TXNRD2: variants seen among roughly 807,000 people sequenced by gnomAD.
TXNRD2 encodes thioredoxin reductase 2, mitochondrial.
In TXNRD2, 67 loss-of-function variants were observed where a neutral mutation model predicts 70.8. The observed-to-expected ratio is 0.95, with a 90% CI of 0.78 to 1.16. The LOEUF (loss-of-function observed/expected upper bound fraction) is 1.16, where lower values mean the gene tolerates loss of function less well. Among genes scored for constraint, TXNRD2 ranks in the 50% most tolerant of loss-of-function variants. TXNRD2 has a pLI of 0.00. For synonymous variants in TXNRD2, 301 were observed against 295.8 expected, an observed-to-expected ratio of 1.02 and a Z score of -0.18; for missense variants, 644 against 719.9, an observed-to-expected ratio of 0.89 and a Z score of 1.21.
At chr22:19,919,219 G>C (rs889531075) in intron 3 of TXNRD2, among the ~76,000 whole-genome samples, 3 of 170 alleles carry the variant, frequency 0.018, no homozygotes, top group African/African-American at 0.079. Flanking sequence ...ATTTGAGATG[G>C]AGTTTTGCTC....
At chr22:19,940,686 C>T (rs1601498110) in intron 1 of TXNRD2, among the ~76,000 whole-genome samples, 1 of 152,126 alleles carries the variant, frequency 6.6e-6, no homozygotes, top group African/African-American at 2.4e-5. Context: ...TATGGGACTC[C>T]GCCAGCACGG....
chr22:19,882,041 C>T (rs1938802243), intron 12 of TXNRD2, among the ~76,000 whole-genome samples: 1 of 152,004 alleles, frequency 6.6e-6, no homozygotes, highest in Non-Finnish European at 1.5e-5. Context: ...GACCCTAAGT[C>T]CAATTGCAGA....
intron 8 of TXNRD2, among the ~76,000 whole-genome samples, chr22:19,905,294 C>G (rs1939958785): frequency 6.6e-6 from 1 of 152,166 alleles, no homozygotes; most frequent in East Asian, 1.9e-4. Context: ...AATAACATAC[C>G]TAGATTCCTT....
At chr22:19,912,514 G>A (rs1351629744) in intron 7 of TXNRD2, among the ~76,000 whole-genome samples, 2 of 152,242 alleles carry the variant, frequency 1.3e-5, no homozygotes, top group Admixed American at 1.3e-4. Context: ...GCTCCCTGGT[G>A]CGGATGCACG....
chr22:19,910,711 A>G (rs1940367334), intron 8 of TXNRD2, among the ~76,000 whole-genome samples: 1 of 152,032 alleles, frequency 6.6e-6, no homozygotes. Flanking sequence ...GGCTCAAGCA[A>G]TCCTCCCACC....
chr22:19,918,992 C>A lies in TXNRD2; in HGVS notation c.242G>T (p.Gly81Val). Residue 81 changes from glycine (G) to valine (V), a missense_variant, in exon 4 of 18, where the codon GGC becomes GTC. Physicochemically the swap from Gly to Val is moderately radical, Grantham distance 109. Coordinates refer to ENST00000400521, the MANE Select transcript of TXNRD2 (RefSeq NM_006440.5). ...VEPSPQGTRW[G>V]LGGTCVNVGC... ...CACGTTGACGCAGGTGCCGCCGAGG[C>A]CCCACCGGGTGCCTGGGACGTGGGA... is the stretch of plus-strand genomic sequence containing the variant. 1 of 1,609,856 alleles carries A rather than the reference C, an allele frequency of 6.2e-7. No individual in the cohort carries two copies.
At chr22:19,934,813 C>T (rs572463507) in intron 1 of TXNRD2, among the ~76,000 whole-genome samples, 18 of 152,212 alleles carry the variant, frequency 1.2e-4, no homozygotes, top group South Asian at 8.3e-4. Flanking sequence ...ATGGCTGCCT[C>T]GGCCTCTCAA....
chr22:19,939,170 A>G (rs1052113067), intron 1 of TXNRD2, among the ~76,000 whole-genome samples: 16 of 149,816 alleles, frequency 1.1e-4, no homozygotes, highest in African/African-American at 4.0e-4. Flanking sequence ...CGAGGAAGAG[A>G]CGTTCGCGTC....
In TXNRD2 at chr22:19,880,196, C is replaced by T. The variant is rs565329400; in HGVS notation, c.1258G>A (p.Gly420Arg). ...LSEEEAVARH[G>R]QEHVEVYHAH... Reference sequence around the variant, plus strand: ...GGCCTCACCTCAACATGCTCCTGCCCGTGGCGAGCCACTGCCTCCTCCTCG... The same window carrying T: ...GGCCTCACCTCAACATGCTCCTGCCTGTGGCGAGCCACTGCCTCCTCCTCG... Residue 420 changes from glycine to arginine, a missense_variant, in exon 14 of 18, where the codon GGG becomes AGG. Around this residue, in one of 3 missense-constraint regions of TXNRD2, gnomAD observed 566 missense variants for 645.0 expected, o/e 0.88. Coordinates refer to ENST00000400521, the MANE Select transcript of TXNRD2 (RefSeq NM_006440.5). 25 of 1,613,300 alleles carry T rather than the reference C, an allele frequency of 1.5e-5. No individual in the cohort carries two copies. The highest frequency in any genetic ancestry group is 1.1e-4 in the East Asian group (5 of 44,878).
At chr22:19,925,012 T>C (rs9606180) in intron 2 of TXNRD2, among the ~76,000 whole-genome samples, 22,705 of 148,630 alleles carry the variant, frequency 0.15, 2,039 homozygotes, top group Middle Eastern at 0.29. Flanking sequence ...GGGCCAGGCA[T>C]GGTGGCTCAC....
intron 11 of TXNRD2, among the ~76,000 whole-genome samples, chr22:19,892,134 T>A (rs1161576043): frequency 1.3e-5 from 2 of 152,120 alleles, no homozygotes; most frequent in Admixed American, 1.3e-4. Context: ...GGAAGCAGAG[T>A]CGGAGATGTT....
chr22:19,911,249 C>T (rs924329779), intron 8 of TXNRD2, 128 bp downstream of exon 8: 1 of 806,168 alleles, frequency 1.2e-6, no homozygotes, highest in Non-Finnish European at 2.1e-6. Context: ...AATAACAGGC[C>T]TTTTTTCCTT....
chr22:19,939,691 T>C (rs1273405666), intron 1 of TXNRD2, among the ~76,000 whole-genome samples: 4 of 152,182 alleles, frequency 2.6e-5, no homozygotes, highest in Admixed American at 6.5e-5. Flanking sequence ...CTCTGTGCCT[T>C]GGACATGCAC....
chr22:19,911,374 T>TA lies in TXNRD2; in HGVS notation c.662+2dup, dbSNP rs1940403156. 1 of 1,613,212 alleles carries TA rather than the reference T, an allele frequency of 6.2e-7. No homozygotes were observed. The highest frequency in any genetic ancestry group is 1.1e-5 in the South Asian group (1 of 91,052). ...GACCCCACCAAGCACGCGCAGGCCTTACGTTTTTCCAGGGGATTCCTTCAG... is the reference window on the plus strand; with the variant it reads ...GACCCCACCAAGCACGCGCAGGCCTTAACGTTTTTCCAGGGGATTCCTTCAG... On this transcript the variant is annotated splice_region_variant and intron_variant, in intron 8 of 17. Coordinates refer to ENST00000400521, the MANE Select transcript of TXNRD2 (RefSeq NM_006440.5).
Position 19,897,745 on chromosome 22 carries a change from C to T in TXNRD2, c.774+294G>A, listed in dbSNP as rs7287115. 9.9e-3 allele frequency among the ~76,000 whole-genome samples: 1,508 copies of T among 152,324 alleles called. 27 individuals carry two copies. The highest frequency in any genetic ancestry group is 0.035 in the African/African-American group (1,444 of 41,570). ...ACACACCGGCCTCTTACTAATGGGACGACCCGGAGGGTGACCTGCTCTGCC... is the reference window on the plus strand; with the variant it reads ...ACACACCGGCCTCTTACTAATGGGATGACCCGGAGGGTGACCTGCTCTGCC... On this transcript the variant is annotated intron_variant, in intron 10 of 17. Transcript: ENST00000400521.
chr22:19,909,950 CACACACCACTCACA>C, intron 8 of TXNRD2, among the ~76,000 whole-genome samples: 1 of 144,224 alleles, frequency 6.9e-6, no homozygotes, highest in Non-Finnish European at 1.5e-5. Context: ...ACACCACACA[CACACACCACTCACA>C]CACACACCAC....
rs1940772159 is a variant in TXNRD2 at position 19,919,010 on chromosome 22, A to G, written c.230-6T>C. 1 of 1,607,196 alleles carries G rather than the reference A, an allele frequency of 6.2e-7. No homozygotes were observed. The highest frequency in any genetic ancestry group is 8.5e-7 in the Non-Finnish European group (1 of 1,179,466). ...GCCGAGGCCCCACCGGGTGCCTGGG[A>G]CGTGGGAAGAGCACATTTGAATTTA... is the stretch of plus-strand genomic sequence containing the variant. On this transcript the variant is annotated splice_region_variant and splice_polypyrimidine_tract_variant and intron_variant, in intron 3 of 17. Transcript: ENST00000400521.
chr22:19,879,440 C>T (rs929810557), intron 14 of TXNRD2, among the ~76,000 whole-genome samples: 3 of 152,112 alleles, frequency 2.0e-5, no homozygotes, highest in Non-Finnish European at 4.4e-5. Context: ...CAGCCACCTG[C>T]CAGAGCAGAC....
chr22:19,910,447 G>A (rs1940355839), intron 8 of TXNRD2, among the ~76,000 whole-genome samples: 1 of 152,134 alleles, frequency 6.6e-6, no homozygotes, highest in Non-Finnish European at 1.5e-5. Context: ...GTCCTTGAGG[G>A]GACCCACTGG....
Sources: allele counts gnomAD v4.1 joint callset (sites outside exome capture counted in the v4.1 genomes callset), GRCh38; gene constraint gnomAD v4.1.1; regional missense constraint gnomAD v4.1.1; transcripts MANE v1.5; gene names NCBI Gene and HGNC (gene_info 2026-07-23, HGNC 2026-07-21).